The following SLMAP variants were observed in gnomAD, a reference collection of about 807,000 sequenced individuals.
SLMAP encodes sarcolemmal membrane-associated protein.
SLMAP carries 44 observed loss-of-function variants against 128.8 expected under a neutral mutation model. The observed-to-expected ratio is 0.34, with a 90% CI of 0.27 to 0.44. The LOEUF (loss-of-function observed/expected upper bound fraction) is 0.44. SLMAP is among the 20% of genes least tolerant of loss of function. The probability of loss-of-function intolerance (pLI) is 1.00; values close to 1 mark genes in which losing one functional copy is unlikely to be tolerated. For synonymous variants in SLMAP, 327 were observed against 348.8 expected (o/e 0.94, Z 0.70); for missense variants, 787 against 985.3 (o/e 0.80, Z 2.69).
intron 17 of SLMAP, among the ~76,000 whole-genome samples, chr3:57,906,314 T>C (rs1410168217): frequency 1.5e-4 from 18 of 117,468 alleles, no homozygotes; most frequent in South Asian, 3.0e-4. Context: ...TTTTTTCTTT[T>C]TTTTTTTTTT....
chr3:57,823,241 T>C (rs2092666309), intron 2 of SLMAP, among the ~76,000 whole-genome samples: 1 of 152,212 alleles, frequency 6.6e-6, no homozygotes, highest in Admixed American at 6.5e-5. Flanking sequence ...TATTATACTT[T>C]TAAGTTTTAG....
At chr3:57,767,770 C>G (rs983826814) in intron 2 of SLMAP, among the ~76,000 whole-genome samples, 5 of 151,864 alleles carry the variant, frequency 3.3e-5, no homozygotes, top group African/African-American at 1.2e-4. Flanking sequence ...AGTTTTTTTC[C>G]CCCCAAAATG....
intron 2 of SLMAP, among the ~76,000 whole-genome samples, chr3:57,772,840 A>G (rs965112636): frequency 6.6e-6 from 1 of 151,958 alleles, no homozygotes; most frequent in Non-Finnish European, 1.5e-5. Flanking sequence ...GGGTTTCTCC[A>G]TGTTGGTCAG....
At chr3:57,842,255 T>G (rs2093973214) in intron 4 of SLMAP, among the ~76,000 whole-genome samples, 1 of 152,178 alleles carries the variant, frequency 6.6e-6, no homozygotes, top group African/African-American at 2.4e-5. Context: ...TTATGCTTGT[T>G]AGAAGCCACA....
At chr3:57,847,635 T>C (rs949800376) in intron 5 of SLMAP, among the ~76,000 whole-genome samples, 15 of 152,182 alleles carry the variant, frequency 9.9e-5, no homozygotes, top group African/African-American at 3.6e-4. Context: ...ACAAAAATTG[T>C]TCTTTTATTT....
intron 2 of SLMAP, among the ~76,000 whole-genome samples, chr3:57,762,185 G>A (rs1222801819): frequency 4.0e-5 from 6 of 151,766 alleles, no homozygotes; most frequent in African/African-American, 1.2e-4. Flanking sequence ...TGGCTAACAC[G>A]GTGAAACCCT....
chr3:57,808,425 T>G (rs983319775), intron 2 of SLMAP, among the ~76,000 whole-genome samples: 6 of 152,186 alleles, frequency 3.9e-5, no homozygotes, highest in Admixed American at 2.0e-4. Context: ...TAACACTGCT[T>G]TAGCTGTGTC....
intron 13 of SLMAP, among the ~76,000 whole-genome samples, chr3:57,868,795 AATATATATATAT>A (rs3037511): frequency 4.8e-5 from 6 of 124,688 alleles, no homozygotes; most frequent in African/African-American, 1.3e-4. Flanking sequence ...GAACTAATGG[AATATATATATAT>A]ATATATATAT....
intron 2 of SLMAP, among the ~76,000 whole-genome samples, chr3:57,791,314 T>C (rs1172239501): frequency 1.3e-5 from 2 of 151,484 alleles, no homozygotes; most frequent in Non-Finnish European, 2.9e-5. Flanking sequence ...GAGCCGAGAC[T>C]GCACCACTGC....
At chr3:57,863,108 G>A (rs1045117045) in intron 10 of SLMAP, among the ~76,000 whole-genome samples, 8 of 152,164 alleles carry the variant, frequency 5.3e-5, no homozygotes, top group African/African-American at 1.9e-4. Flanking sequence ...GTGCTGTGCT[G>A]GAACAAGCCC....
chr3:57,843,305 C>CTTTTTTTTTTTTTTTTTTTTTTTTTT, intron 4 of SLMAP, among the ~76,000 whole-genome samples: 6 of 92,140 alleles, frequency 6.5e-5, no homozygotes, highest in East Asian at 3.0e-4. Context: ...CTTTCTTTTC[C>CTTTTTTTTTTTTTTTTTTTTTTTTTT]TTTTTTTTTT....
At chr3:57,842,666 A>T (rs2093994525) in intron 4 of SLMAP, among the ~76,000 whole-genome samples, 2 of 152,186 alleles carry the variant, frequency 1.3e-5, no homozygotes, top group African/African-American at 4.8e-5. Context: ...AAATTTTTTC[A>T]AAGTCAGTTG....
At chr3:57,903,509 G>A (rs2096450013) in intron 17 of SLMAP, among the ~76,000 whole-genome samples, 1 of 152,204 alleles carries the variant, frequency 6.6e-6, no homozygotes. Context: ...GTGGATCAGT[G>A]TGTCAGAGTT....
At chr3:57,870,325 C>G (rs534691190) in intron 13 of SLMAP, among the ~76,000 whole-genome samples, 3 of 152,002 alleles carry the variant, frequency 2.0e-5, no homozygotes, top group Non-Finnish European at 4.4e-5. Context: ...TTTCCTGGAT[C>G]CAGTTGTCAA....
chr3:57,925,761 C>T (rs1348674749), intron 23 of SLMAP, 84 bp from the exon 24 acceptor site: 2 of 884,316 alleles, frequency 2.3e-6, no homozygotes, highest in Non-Finnish European at 3.6e-6. Flanking sequence ...TTTCTTCCTA[C>T]CTCCCACCCT....
chr3:57,875,074 A>T (rs547306659), intron 14 of SLMAP, among the ~76,000 whole-genome samples: 56 of 152,344 alleles, frequency 3.7e-4, no homozygotes, highest in Admixed American at 2.9e-3. Flanking sequence ...TATAAATTAC[A>T]CCAAATCCCT....
intron 18 of SLMAP, 37 bp downstream of exon 18, chr3:57,908,043 T>TG: frequency 6.2e-7 from 1 of 1,606,788 alleles, no homozygotes; most frequent in Non-Finnish European, 8.5e-7. Flanking sequence ...TAGGGATGTG[T>TG]GGAGGCAGCA....
chr3:57,759,313 T>C (rs1357010524), intron 2 of SLMAP, among the ~76,000 whole-genome samples: 1 of 151,630 alleles, frequency 6.6e-6, no homozygotes, highest in African/African-American at 2.4e-5. Flanking sequence ...TTTTTGCTCC[T>C]GTCACCCAGG....
intron 2 of SLMAP, among the ~76,000 whole-genome samples, chr3:57,783,575 TAAAAG>T (rs1272627912): frequency 2.6e-5 from 4 of 152,272 alleles, no homozygotes; most frequent in African/African-American, 7.2e-5. Flanking sequence ...GATTTATAAT[TAAAAG>T]AGAAACAGAA....
Sources: allele counts gnomAD v4.1 joint callset (sites outside exome capture counted in the v4.1 genomes callset), GRCh38; gene constraint gnomAD v4.1.1; transcripts MANE v1.5; gene names NCBI Gene and HGNC (gene_info 2026-07-23, HGNC 2026-07-21).